Variants in NRXN1 observed in about 807,000 individuals in gnomAD.
NRXN1 encodes neurexin 1.
Under a neutral mutation model 150.9 loss-of-function variants are expected in NRXN1, and 39 were observed. That is an observed-to-expected ratio of 0.26 (90% CI 0.20 to 0.34). NRXN1 has a LOEUF of 0.34. NRXN1 is among the 10% of genes least tolerant of loss of function. NRXN1 has a pLI of 1.00. For synonymous variants in NRXN1, 924 were observed against 757.0 expected (o/e 1.22, Z -3.62); for missense variants, 1,815 against 1,949.9 (o/e 0.93, Z 1.30).
At chr2:49,994,879 G>A (rs146783350) in intron 21 of NRXN1, among the ~76,000 whole-genome samples, 1 of 152,292 alleles carries the variant, frequency 6.6e-6, no homozygotes, top group Admixed American at 6.5e-5. Context: ...ATAACATCAT[G>A]GAAAAATCAC....
intron 21 of NRXN1, among the ~76,000 whole-genome samples, chr2:50,046,631 T>A (rs1432131111): frequency 6.6e-6 from 1 of 152,180 alleles, no homozygotes; most frequent in East Asian, 1.9e-4. Context: ...GTTCCTATAC[T>A]CTTGACTCCT....
intron 5 of NRXN1, among the ~76,000 whole-genome samples, chr2:50,717,131 TG>T (rs1290113872): frequency 2.0e-5 from 3 of 152,224 alleles, no homozygotes; most frequent in Admixed American, 2.0e-4. Context: ...TTGTATCCTC[TG>T]GTGTCTAGTA....
At chr2:50,426,219 G>T (rs1464048539) in intron 17 of NRXN1, among the ~76,000 whole-genome samples, 1 of 152,296 alleles carries the variant, frequency 6.6e-6, no homozygotes, top group East Asian at 1.9e-4. Context: ...GGATAAAGCT[G>T]CAAGCGTTAA....
At chr2:50,020,772 A>G (rs1361224104) in intron 21 of NRXN1, among the ~76,000 whole-genome samples, 1 of 152,182 alleles carries the variant, frequency 6.6e-6, no homozygotes, top group African/African-American at 2.4e-5. Flanking sequence ...CTCTTTAAAA[A>G]GTATTTTGAA....
At chr2:50,896,115 G>A (rs1238225465) in intron 5 of NRXN1, among the ~76,000 whole-genome samples, 1 of 152,104 alleles carries the variant, frequency 6.6e-6, no homozygotes, top group Non-Finnish European at 1.5e-5. Context: ...GATTAATGCA[G>A]AAAATTATTT....
chr2:50,198,336 T>G (rs1303077030), intron 18 of NRXN1, among the ~76,000 whole-genome samples: 1 of 152,110 alleles, frequency 6.6e-6, no homozygotes, highest in Non-Finnish European at 1.5e-5. Flanking sequence ...AGGGGAAAAG[T>G]GGATTGTTTG....
chr2:50,565,027 C>A (rs1669643095), intron 8 of NRXN1, among the ~76,000 whole-genome samples: 1 of 152,142 alleles, frequency 6.6e-6, no homozygotes, highest in African/African-American at 2.4e-5. Flanking sequence ...CAGGCAGGTG[C>A]AGAGTTTTTG....
chr2:50,486,662 G>C (rs1460522871), intron 15 of NRXN1, among the ~76,000 whole-genome samples: 1 of 152,072 alleles, frequency 6.6e-6, no homozygotes, highest in Admixed American at 6.5e-5. Flanking sequence ...GGGAGTGTGA[G>C]TGGGGCATGA....
intron 5 of NRXN1, among the ~76,000 whole-genome samples, chr2:50,717,995 G>A (rs577009575): frequency 6.6e-6 from 1 of 152,260 alleles, no homozygotes; most frequent in African/African-American, 2.4e-5. Flanking sequence ...AACATTTAGT[G>A]CACTACAACA....
intron 5 of NRXN1, among the ~76,000 whole-genome samples, chr2:50,881,326 T>C (rs528953113): frequency 6.6e-6 from 1 of 152,044 alleles, no homozygotes; most frequent in Admixed American, 6.6e-5. Context: ...TTTGTTGCAA[T>C]ATATACACAT....
At chr2:50,427,379 G>A (rs868395845) in intron 17 of NRXN1, among the ~76,000 whole-genome samples, 68 of 137,958 alleles carry the variant, frequency 4.9e-4, no homozygotes, top group African/African-American at 1.2e-3. Context: ...AAAAAAAAAA[G>A]CCCATAACAT....
At chr2:50,323,118 C>T (rs2076157318) in intron 17 of NRXN1, among the ~76,000 whole-genome samples, 1 of 152,098 alleles carries the variant, frequency 6.6e-6, no homozygotes, top group Non-Finnish European at 1.5e-5. Flanking sequence ...ATTAACAAAT[C>T]CCTGAGGGGT....
At chr2:50,734,573 C>T (rs1443046998) in intron 5 of NRXN1, among the ~76,000 whole-genome samples, 1 of 152,058 alleles carries the variant, frequency 6.6e-6, no homozygotes, top group Non-Finnish European at 1.5e-5. Context: ...GCAGTGAGAA[C>T]AAGCACCTGG....
chr2:50,592,750 C>G (rs889380073), intron 8 of NRXN1, among the ~76,000 whole-genome samples: 2 of 152,066 alleles, frequency 1.3e-5, no homozygotes, highest in Non-Finnish European at 2.9e-5. Flanking sequence ...GTATCTAGTT[C>G]AGGGGAAAAG....
chr2:50,333,081 C>G (rs772219022), intron 17 of NRXN1, among the ~76,000 whole-genome samples: 8 of 151,966 alleles, frequency 5.3e-5, no homozygotes, highest in Admixed American at 3.9e-4. Flanking sequence ...TGGACTGGAC[C>G]CTTTCAGTGT....
intron 17 of NRXN1, among the ~76,000 whole-genome samples, chr2:50,425,227 G>A (rs1044687434): frequency 5.3e-5 from 8 of 152,284 alleles, no homozygotes; most frequent in Non-Finnish European, 8.8e-5. Context: ...GTCAATAGTA[G>A]CTCATAACAA....
chr2:50,236,677 A>G, intron 18 of NRXN1, 112 bp downstream of exon 18: 1 of 915,396 alleles, frequency 1.1e-6, no homozygotes, highest in Non-Finnish European at 1.8e-6. Flanking sequence ...ATTTCCTATA[A>G]CAAAGTACTG....
At chr2:50,031,361 T>C (rs537317711) in intron 21 of NRXN1, among the ~76,000 whole-genome samples, 1 of 152,082 alleles carries the variant, frequency 6.6e-6, no homozygotes, top group Non-Finnish European at 1.5e-5. Flanking sequence ...CAAAGAAATA[T>C]CTCAAATGAC....
At chr2:50,149,307 C>T (rs1028195204) in intron 18 of NRXN1, among the ~76,000 whole-genome samples, 4 of 151,594 alleles carry the variant, frequency 2.6e-5, no homozygotes, top group African/African-American at 9.7e-5. Context: ...AAAGGGTGGC[C>T]ATTTTGTTAA....
Sources: gnomAD v4.1 joint callset for allele counts (sites outside exome capture counted in the v4.1 genomes callset) on GRCh38, gnomAD v4.1.1 for gene constraint, MANE v1.5 for transcripts, NCBI Gene and HGNC (gene_info 2026-07-23, HGNC 2026-07-21) for gene names.